The following CNKSR2 variants were observed in gnomAD, a reference collection of about 807,000 sequenced individuals.
CNKSR2 encodes the protein CNK homolog protein 2.
CNKSR2 carries 14 observed loss-of-function variants against 84.4 expected under a neutral mutation model. The ratio of observed to expected loss-of-function variants is 0.17; its 90% CI spans 0.11 to 0.26. The LOEUF is 0.26. Ranked by LOEUF, CNKSR2 falls within the 10% of genes least tolerant of loss-of-function variation. CNKSR2 has a pLI of 1.00. For missense variants in CNKSR2, 485 were observed against 771.2 expected (o/e 0.63, Z 4.40); for synonymous variants, 275 against 277.9 (o/e 0.99, Z 0.10).
At chrX:21,567,951 A>G (rs1162258552) in intron 13 of CNKSR2, among the ~76,000 whole-genome samples, 18 of 111,545 alleles carry the variant, frequency 1.6e-4, no homozygotes, top group Middle Eastern at 4.6e-3. Context: ...GCATATGACA[A>G]CTTGCTCTCA....
intron 20 of CNKSR2, 77 bp from the exon 21 acceptor site, chrX:21,648,754 A>G (rs2048944659): frequency 1.2e-6 from 1 of 839,985 alleles, no homozygotes; most frequent in South Asian, 2.8e-5. Context: ...CTATATTGCA[A>G]TGAATTCATT....
intron 3 of CNKSR2, among the ~76,000 whole-genome samples, chrX:21,434,174 A>G (rs1325843624): frequency 9.0e-6 from 1 of 111,244 alleles, no homozygotes; most frequent in Non-Finnish European, 1.9e-5. Flanking sequence ...CTATAATTAT[A>G]AATTTGCTCA....
At chrX:21,535,646 A>G (rs1389006712) in intron 11 of CNKSR2, among the ~76,000 whole-genome samples, 4 of 110,036 alleles carry the variant, frequency 3.6e-5, no homozygotes, top group African/African-American at 9.9e-5. Flanking sequence ...AGGGGATTGC[A>G]TTCTTGATTT....
chrX:21,405,978 A>G (rs1351129749), intron 1 of CNKSR2, among the ~76,000 whole-genome samples: 1 of 110,700 alleles, frequency 9.0e-6, no homozygotes, highest in African/African-American at 3.3e-5. Flanking sequence ...TAGATTCTAC[A>G]TAGCAGAGTA....
At chrX:21,385,581 G>A (rs967191202) in intron 1 of CNKSR2, among the ~76,000 whole-genome samples, 11 of 111,789 alleles carry the variant, frequency 9.8e-5, no homozygotes, top group Middle Eastern at 4.3e-3. Context: ...AGGAACTTTG[G>A]CTTAGAGAGA....
intron 2 of CNKSR2, among the ~76,000 whole-genome samples, chrX:21,431,239 C>T (rs1287582795): frequency 2.7e-5 from 3 of 111,817 alleles, no homozygotes; most frequent in Admixed American, 9.5e-5. Context: ...GACTTAATAA[C>T]ATAGCTTAAT....
chrX:21,601,450 A>G lies in CNKSR2; in HGVS notation c.2044+101A>G, dbSNP rs1385562725. ...ATCACTTGAGAGAAAATACATGTCA[A>G]TTTTTGGTTATTTCTCTTCTAGGCA... On this transcript the variant is annotated intron_variant, in intron 18 of 21. Coordinates refer to ENST00000379510, the MANE Select transcript of CNKSR2 (RefSeq NM_014927.5). The G allele has an allele frequency of 1.5e-4, 76 of 514,913 alleles. No homozygotes were observed. In the Admixed American group the frequency reaches 2.9e-3, roughly 20 times the overall value. The allele number at this position is 514,913 out of a possible 1,213,427, so 42.4% of individuals were successfully genotyped here.
intron 1 of CNKSR2, among the ~76,000 whole-genome samples, chrX:21,399,953 G>A (rs950703266): frequency 1.8e-5 from 2 of 110,965 alleles, no homozygotes; most frequent in African/African-American, 3.3e-5. Flanking sequence ...TTTAAATGAC[G>A]TAGTCTATGT....
At chrX:21,640,119 G>A (rs1040949349) in intron 20 of CNKSR2, among the ~76,000 whole-genome samples, 1 of 111,692 alleles carries the variant, frequency 9.0e-6, no homozygotes, top group Non-Finnish European at 1.9e-5. Flanking sequence ...ATTGTGACTC[G>A]ATTACCAGGG....
intron 1 of CNKSR2, among the ~76,000 whole-genome samples, chrX:21,375,749 C>G (rs1186348289): frequency 8.9e-6 from 1 of 112,242 alleles, no homozygotes; most frequent in African/African-American, 3.2e-5. Flanking sequence ...CACATTTCTT[C>G]CATCTTGAAG....
Position 21,590,604 on chromosome X carries a change from AAAG to A in CNKSR2, c.1647_1649del (p.Lys550del), listed in dbSNP as rs899405397. On this transcript the variant is annotated inframe_deletion, in exon 14 of 22. Coordinates refer to ENST00000379510, the MANE Select transcript of CNKSR2 (RefSeq NM_014927.5). ...AGCAGTCCTCACTGCAGCACAAATC[AAAG>A]AAGAAAAACAAAGGTAAGAAAAGGA... 40 of 1,207,632 alleles carry A rather than the reference AAAG, an allele frequency of 3.3e-5. No individual in the cohort carries two copies. Among genetic ancestry groups the A allele is most frequent in the Non-Finnish European group, 4.4e-5 (39 of 893,804 alleles).
chrX:21,417,123 C>T (rs2090433489), intron 1 of CNKSR2, among the ~76,000 whole-genome samples: 1 of 111,603 alleles, frequency 9.0e-6, no homozygotes, highest in Admixed American at 9.5e-5. Flanking sequence ...TTTTCATTAT[C>T]ATTTGTTTCA....
chrX:21,391,684 C>T (rs1246005982), intron 1 of CNKSR2, among the ~76,000 whole-genome samples: 2 of 112,188 alleles, frequency 1.8e-5, no homozygotes, highest in Non-Finnish European at 3.8e-5. Flanking sequence ...AGGCCTTTTC[C>T]TCATTGTCTT....
Position 21,563,583 on chromosome X carries a change from A to G in CNKSR2, c.1608+131A>G, listed in dbSNP as rs942493185. 6 of 468,203 alleles carry G rather than the reference A, an allele frequency of 1.3e-5. No homozygotes were observed. The Admixed American group carries it at 2.3e-4, about 18-fold the overall frequency. 38.6% of individuals were successfully genotyped at this position (468,203 alleles called of 1,213,427 possible). ...ACAAAAGAGCCTAACTTTAAAGTTT[A>G]TGCCCTTAAAAAATGATGGGTAATT... is the stretch of plus-strand genomic sequence containing the variant. On this transcript the variant is annotated intron_variant, in intron 13 of 21. Coordinates refer to ENST00000379510, the MANE Select transcript of CNKSR2 (RefSeq NM_014927.5).
chrX:21,562,685 T>G, intron 12 of CNKSR2, among the ~76,000 whole-genome samples: 1 of 111,483 alleles, frequency 9.0e-6, no homozygotes, highest in Non-Finnish European at 1.9e-5. Flanking sequence ...TTAGAGACTT[T>G]TGTTGATGGG....
intron 20 of CNKSR2, among the ~76,000 whole-genome samples, chrX:21,617,854 G>C (rs1300315828): frequency 9.2e-6 from 1 of 109,189 alleles, no homozygotes; most frequent in Non-Finnish European, 1.9e-5. Context: ...TGAGAAGAAA[G>C]AAATGGCATT....
At chrX:21,596,293 C>G (rs1430333346) in intron 17 of CNKSR2, among the ~76,000 whole-genome samples, 1 of 111,418 alleles carries the variant, frequency 9.0e-6, no homozygotes. Context: ...CTCAGCTCTA[C>G]ACTGATTAGC....
At chrX:21,416,872 C>T (rs1363849184) in intron 1 of CNKSR2, among the ~76,000 whole-genome samples, 6 of 111,083 alleles carry the variant, frequency 5.4e-5, no homozygotes, top group Admixed American at 9.5e-5. Flanking sequence ...TTTCAAAATG[C>T]GAATTTTTTG....
chrX:21,413,884 A>G lies in CNKSR2; in HGVS notation c.65-12613A>G, dbSNP rs1056946935. Among the ~76,000 whole-genome samples, 9 of 111,056 alleles carry G rather than the reference A, an allele frequency of 8.1e-5. No homozygotes were observed. In the Admixed American group the frequency reaches 8.6e-4, roughly 11 times the overall value. The stretch of plus-strand genomic sequence containing the variant: ...CACAAGTTGCTTCAAGATCTTGGCT[A>G]TTGTGAACAGAACTGCAACAAACTG... On this transcript the variant is annotated intron_variant, in intron 1 of 21. Transcript: ENST00000379510.
Sources: allele counts gnomAD v4.1 joint callset (sites outside exome capture counted in the v4.1 genomes callset), GRCh38; gene constraint gnomAD v4.1.1; transcripts MANE v1.5; gene names NCBI Gene and HGNC (gene_info 2026-07-23, HGNC 2026-07-21).